The following MBD5 variants were observed in gnomAD, a reference collection of about 807,000 sequenced individuals.
MBD5 encodes methyl-CpG binding domain protein 5.
MBD5 carries 13 observed loss-of-function variants against 117.3 expected under a neutral mutation model. The observed-to-expected ratio is 0.11, with a 90% CI of 0.07 to 0.18. The LOEUF is 0.18. MBD5 is among the 10% of genes least tolerant of loss of function. MBD5 has a pLI of 1.00. For missense variants in MBD5, 1,879 were observed against 2,093.8 expected (o/e 0.90, Z 2.00); for synonymous variants, 727 against 766.4 (o/e 0.95, Z 0.85).
intron 1 of MBD5, among the ~76,000 whole-genome samples, chr2:148,052,171 A>G (rs1428568073): frequency 1.5e-5 from 2 of 132,738 alleles, no homozygotes; most frequent in African/African-American, 2.8e-5. Context: ...CTCTGTTGTA[A>G]TGTTTATTTT....
intron 3 of MBD5, among the ~76,000 whole-genome samples, chr2:148,341,232 T>G (rs1702939148): frequency 6.6e-6 from 1 of 152,024 alleles, no homozygotes; most frequent in Admixed American, 6.6e-5. Flanking sequence ...ACAATCCATA[T>G]AGGTGTGTGA....
Position 148,182,957 on chromosome 2 carries a change from T to G in MBD5, c.-831+4164T>G, listed in dbSNP as rs1338925337. On this transcript the variant is annotated intron_variant, in intron 2 of 13. Coordinates refer to ENST00000642680, the MANE Select transcript of MBD5 (RefSeq NM_001378120.1). The stretch of plus-strand genomic sequence containing the variant: ...CCACTGGTCTCTGATCTGCCTGGTC[T>G]TGCTTCAGTTAAACTCCCTCTGCCA... 3.9e-5 allele frequency among the ~76,000 whole-genome samples: 6 copies of G among 152,314 alleles called. No homozygotes were observed. The South Asian group carries it at 1.0e-3, about 26-fold the overall frequency.
chr2:148,446,588 A>G (rs1191123899), intron 4 of MBD5, among the ~76,000 whole-genome samples: 1 of 117,554 alleles, frequency 8.5e-6, no homozygotes, highest in African/African-American at 3.2e-5. Flanking sequence ...TAATTTACAT[A>G]CCAGATTATT....
chr2:148,149,566 AG>A (rs1697580628), intron 1 of MBD5, among the ~76,000 whole-genome samples: 1 of 151,440 alleles, frequency 6.6e-6, no homozygotes, highest in Admixed American at 6.6e-5. Flanking sequence ...ACAGTGTAAA[AG>A]TGTTCCTATT....
At chr2:148,217,681 C>G (rs1269149948) in intron 2 of MBD5, among the ~76,000 whole-genome samples, 7 of 152,174 alleles carry the variant, frequency 4.6e-5, no homozygotes, top group Non-Finnish European at 8.8e-5. Context: ...GAGTCCTATT[C>G]TGTATGACTG....
At chr2:148,415,300 C>G (rs1006670547) in intron 4 of MBD5, among the ~76,000 whole-genome samples, 2 of 152,078 alleles carry the variant, frequency 1.3e-5, no homozygotes, top group South Asian at 2.1e-4. Flanking sequence ...AGCCCCCAGT[C>G]TCTTCTGGCT....
chr2:148,259,460 A>G (rs28788824), intron 3 of MBD5, among the ~76,000 whole-genome samples: 2,279 of 152,240 alleles, frequency 0.015, 64 homozygotes, highest in African/African-American at 0.052. Context: ...GTGTATCACA[A>G]CCCATGTTGT....
At chr2:148,433,913 GT>G (rs1259112220) in intron 4 of MBD5, among the ~76,000 whole-genome samples, 1 of 148,618 alleles carries the variant, frequency 6.7e-6, no homozygotes, top group East Asian at 1.9e-4. Context: ...TGTTGTTGTT[GT>G]TTGTTTGTTT....
intron 4 of MBD5, among the ~76,000 whole-genome samples, chr2:148,408,944 A>G (rs1157422659): frequency 1.3e-5 from 2 of 152,176 alleles, no homozygotes; most frequent in African/African-American, 4.8e-5. Flanking sequence ...ATATGGGAGC[A>G]TGGACATAGG....
rs540729302 is a variant in MBD5 at position 148,450,558 on chromosome 2, C to T, written c.-556-7645C>T. The stretch of plus-strand genomic sequence containing the variant: ...GGACTGGCTGGACAGCGAGACTTCT[C>T]TCTTTACATGGTCTCTCATCCTCGA... On this transcript the variant is annotated intron_variant, in intron 4 of 13. Coordinates refer to ENST00000642680, the MANE Select transcript of MBD5 (RefSeq NM_001378120.1). 2.4e-4 allele frequency among the ~76,000 whole-genome samples: 37 copies of T among 152,320 alleles called. No individual in the cohort carries two copies. The South Asian group carries it at 7.7e-3, about 32-fold the overall frequency.
intron 3 of MBD5, among the ~76,000 whole-genome samples, chr2:148,263,839 C>T (rs938549082): frequency 3.9e-5 from 6 of 152,248 alleles, no homozygotes; most frequent in South Asian, 2.1e-4. Context: ...CATATAGGCT[C>T]CTGTTTTATT....
rs1260680731 is a variant in MBD5 at position 148,513,142 on chromosome 2, A to G, written c.*201A>G. 8.5e-6 allele frequency: 5 copies of G among 585,290 alleles called. No homozygotes were observed. Among genetic ancestry groups the G allele is most frequent in the Non-Finnish European group, 1.2e-5 (4 of 328,218 alleles). The allele number at this position is 585,290 out of a possible 1,614,324, so 36.3% of individuals were successfully genotyped here. ...AATGAATGCTGGAAAAGCCAATCAAAGTCTCTGTGTGATGAGAGTGATCAA... is the reference window on the plus strand; with the variant it reads ...AATGAATGCTGGAAAAGCCAATCAAGGTCTCTGTGTGATGAGAGTGATCAA... On this transcript the variant is annotated 3_prime_UTR_variant, in exon 14 of 14. Coordinates refer to ENST00000642680, the MANE Select transcript of MBD5 (RefSeq NM_001378120.1).
chr2:148,169,630 A>AG (rs1558956618), intron 1 of MBD5, among the ~76,000 whole-genome samples: 3 of 152,170 alleles, frequency 2.0e-5, no homozygotes, highest in Non-Finnish European at 4.4e-5. Context: ...AATGCTTGTG[A>AG]GGAAAAAAAG....
At chr2:148,312,495 T>C (rs1431573361) in intron 3 of MBD5, among the ~76,000 whole-genome samples, 1 of 152,202 alleles carries the variant, frequency 6.6e-6, no homozygotes, top group Admixed American at 6.5e-5. Context: ...GTTTTTCAGC[T>C]CCATCAGGTC....
chr2:148,196,347 A>C (rs1698987675), intron 2 of MBD5: 2 of 152,130 alleles, frequency 1.3e-5, no homozygotes, highest in African/African-American at 4.8e-5. Flanking sequence ...TAGTGTAGGT[A>C]ATTAGAAGTA....
chr2:148,443,849 A>G (rs1358010429), intron 4 of MBD5, among the ~76,000 whole-genome samples: 1 of 151,234 alleles, frequency 6.6e-6, no homozygotes, highest in Non-Finnish European at 1.5e-5. Context: ...CAAGGTGGCT[A>G]TTGTCAAAAA....
At position 148,490,218 on chromosome 2, in the gene MBD5, G is replaced by C. The variant is rs727504000; in HGVS notation, c.4586G>C (p.Arg1529Pro). ...GCACACATAAATGGGAATAGACCTCGACAGAGTCGGGGATTTGGAGAGCTG... is the reference window on the plus strand; with the variant it reads ...GCACACATAAATGGGAATAGACCTCCACAGAGTCGGGGATTTGGAGAGCTG... The part of the protein sequence containing the change: ...RCAHINGNRP[R>P]QSRGFGELLS... Residue 1529 changes from arginine to proline, a missense_variant, in exon 11 of 14, where the codon CGA becomes CCA. Physicochemically the swap from Arg to Pro is moderately radical, Grantham distance 103. This residue lies in a region of MBD5 where 1,666 missense variants were observed against 1,792.2 expected (regional missense o/e 0.93). Coordinates refer to ENST00000642680, the MANE Select transcript of MBD5 (RefSeq NM_001378120.1). 8.1e-6 allele frequency: 13 copies of C among 1,614,158 alleles called. No individual in the cohort carries two copies. The highest frequency in any genetic ancestry group is 1.1e-5 in the Non-Finnish European group (13 of 1,180,028).
intron 1 of MBD5, among the ~76,000 whole-genome samples, chr2:148,097,332 T>C (rs2105272061): frequency 6.6e-6 from 1 of 152,290 alleles, no homozygotes; most frequent in African/African-American, 2.4e-5. Context: ...GAATAGTTTC[T>C]CAACGCCTTC....
At chr2:148,134,458 C>G (rs75361451) in intron 1 of MBD5, among the ~76,000 whole-genome samples, 3,262 of 152,210 alleles carry the variant, frequency 0.021, 124 homozygotes, top group African/African-American at 0.074. Context: ...GGATAATAGG[C>G]AAATTCTTTG....
Sources: gnomAD v4.1 joint callset for allele counts (sites outside exome capture counted in the v4.1 genomes callset) on GRCh38, gnomAD v4.1.1 for gene constraint, gnomAD v4.1.1 regional missense constraint, MANE v1.5 for transcripts, NCBI Gene and HGNC (gene_info 2026-07-23, HGNC 2026-07-21) for gene names.